Variants in ASCC3 observed in about 807,000 individuals in gnomAD.
ASCC3 encodes the protein ASC-1 complex subunit P200.
A neutral mutation model predicts 256.3 loss-of-function variants in ASCC3; 158 were observed. That is an observed-to-expected ratio of 0.62 (90% CI 0.54 to 0.70). The LOEUF (loss-of-function observed/expected upper bound fraction) is 0.70. Ranked by LOEUF, ASCC3 falls within the 30% of genes least tolerant of loss-of-function variation. The pLI is 0.00. For synonymous variants in ASCC3, 948 were observed against 883.4 expected, an observed-to-expected ratio of 1.07 and a Z score of -1.30; for missense variants, 2,259 against 2,626.0, an observed-to-expected ratio of 0.86 and a Z score of 3.05.
Position 100,589,699 on chromosome 6 carries a change from C to T in ASCC3, c.5485G>A (p.Val1829Ile), listed in dbSNP as rs773582267. The change falls in exon 36 of 42, where the codon GTT becomes ATT. Residue 1829 changes from valine (V) to isoleucine (I), a missense_variant. By Grantham distance (29) the Val-to-Ile change is conservative. Coordinates refer to ENST00000369162, the MANE Select transcript of ASCC3 (RefSeq NM_006828.4). ...ASYYYLKHQT[V>I]KMFKDRLKPE... The stretch of plus-strand genomic sequence containing the variant: ...TTCAAGCGGTCCTTGAACATTTTAA[C>T]TGTTTGATGCTTCAAATAGTAATAG... 1.2e-6 allele frequency: 2 copies of T among 1,613,668 alleles called. No individual in the cohort carries two copies. Among genetic ancestry groups the T allele is most frequent in the East Asian group, 4.5e-5 (2 of 44,860 alleles).
In ASCC3 at chr6:100,508,704, A is replaced by G. The variant is rs1481602134; in HGVS notation, c.*682T>C. 6.6e-6 allele frequency: 1 copy of G among 152,236 alleles called. No individual in the cohort carries two copies. Among genetic ancestry groups the G allele is most frequent in the Non-Finnish European group, 1.5e-5 (1 of 68,070 alleles). 9.4% of individuals were successfully genotyped at this position (152,236 alleles called of 1,614,324 possible). Reference sequence around the variant, plus strand: ...TGAGTAAGGGGATATTATTTAAAGGAAGCAGAAGAAAACATTGAGTCAGCT... The same window carrying G: ...TGAGTAAGGGGATATTATTTAAAGGGAGCAGAAGAAAACATTGAGTCAGCT... On this transcript the variant is annotated 3_prime_UTR_variant, in exon 42 of 42. Coordinates refer to ENST00000369162, the MANE Select transcript of ASCC3 (RefSeq NM_006828.4).
chr6:100,715,415 C>T (rs748143858), intron 13 of ASCC3, 47 bp downstream of exon 13: 2 of 1,511,056 alleles, frequency 1.3e-6, no homozygotes, highest in Admixed American at 3.4e-5. Context: ...ATTAAGCACT[C>T]TCTAAAAGCA....
At chr6:100,685,019 G>T (rs1454415945) in intron 13 of ASCC3, among the ~76,000 whole-genome samples, 1 of 151,970 alleles carries the variant, frequency 6.6e-6, no homozygotes, top group Non-Finnish European at 1.5e-5. Flanking sequence ...GTATTAGCCA[G>T]GATGGTCTCG....
chr6:100,547,256 T>C (rs2114677152), intron 36 of ASCC3, among the ~76,000 whole-genome samples: 1 of 152,096 alleles, frequency 6.6e-6, no homozygotes, highest in South Asian at 2.1e-4. Flanking sequence ...ATATAAAATC[T>C]AAAACTTTAA....
chr6:100,635,658 G>A (rs1582606498), intron 25 of ASCC3, among the ~76,000 whole-genome samples: 1 of 151,986 alleles, frequency 6.6e-6, no homozygotes, highest in Non-Finnish European at 1.5e-5. Context: ...GTAATCACTT[G>A]ACAATGTATA....
chr6:100,692,412 A>G (rs991663021), intron 13 of ASCC3, among the ~76,000 whole-genome samples: 8 of 152,012 alleles, frequency 5.3e-5, no homozygotes, highest in Non-Finnish European at 8.8e-5. Flanking sequence ...TCTTAGCTTG[A>G]TAATATGGTT....
intron 37 of ASCC3, among the ~76,000 whole-genome samples, chr6:100,539,263 T>TA (rs1299764946): frequency 6.6e-6 from 1 of 152,166 alleles, no homozygotes; most frequent in Admixed American, 6.5e-5. Flanking sequence ...TCAAGAAATA[T>TA]CACTTGTCAG....
At chr6:100,835,803 T>A (rs2114471685) in intron 4 of ASCC3, among the ~76,000 whole-genome samples, 1 of 152,298 alleles carries the variant, frequency 6.6e-6, no homozygotes. Flanking sequence ...TACGGGTATT[T>A]TGACAGGGAT....
Position 100,587,580 on chromosome 6 carries a change from C to T in ASCC3, c.5550+2054G>A, listed in dbSNP as rs548967187. Among the ~76,000 whole-genome samples the T allele has an allele frequency of 8.8e-4, 134 of 152,276 alleles. 1 individual carries two copies. The highest frequency in any genetic ancestry group is 1.9e-4 in the Non-Finnish European group (13 of 68,004). The stretch of plus-strand genomic sequence containing the variant: ...AATATCTAGCGCAAGCTGAAAGTTC[C>T]TTGGACTAAACACCATGGGAGAAGA... On this transcript the variant is annotated intron_variant, in intron 36 of 41. Transcript: ENST00000369162.
chr6:100,574,283 T>C, intron 36 of ASCC3, among the ~76,000 whole-genome samples: 1 of 152,150 alleles, frequency 6.6e-6, no homozygotes. Context: ...GCAACCTTTT[T>C]ATGTACCTTA....
chr6:100,608,098 ACATATATATG>A, intron 30 of ASCC3, among the ~76,000 whole-genome samples: 1 of 107,980 alleles, frequency 9.3e-6, no homozygotes, highest in African/African-American at 3.9e-5. Flanking sequence ...ATCTATATAC[ACATATATATG>A]TATATATATC....
At chr6:100,681,497 G>C (rs1777300061) in intron 13 of ASCC3, among the ~76,000 whole-genome samples, 1 of 151,980 alleles carries the variant, frequency 6.6e-6, no homozygotes, top group Admixed American at 6.5e-5. Flanking sequence ...GGGAGGTCAA[G>C]GTGGGTGGAT....
intron 30 of ASCC3, among the ~76,000 whole-genome samples, chr6:100,608,101 T>TATATATGTATATATATCTATATATAC (rs1250725464): frequency 4.7e-5 from 6 of 128,024 alleles, no homozygotes; most frequent in Non-Finnish European, 7.9e-5. Context: ...TATATACACA[T>TATATATGTATATATATCTATATATAC]ATATATGTAT....
chr6:100,838,501 T>C (rs1280373553), intron 4 of ASCC3, among the ~76,000 whole-genome samples: 2 of 152,072 alleles, frequency 1.3e-5, no homozygotes, highest in African/African-American at 4.8e-5. Flanking sequence ...TTAAGAAGAA[T>C]TTCTATGCAA....
At chr6:100,517,248 C>T (rs1451022670) in intron 38 of ASCC3, among the ~76,000 whole-genome samples, 2 of 152,072 alleles carry the variant, frequency 1.3e-5, no homozygotes, top group Admixed American at 6.6e-5. Context: ...GTCTAGATGT[C>T]TCAAATAACT....
At chr6:100,738,200 T>C (rs1179985904) in intron 10 of ASCC3, among the ~76,000 whole-genome samples, 1 of 152,276 alleles carries the variant, frequency 6.6e-6, no homozygotes, top group Admixed American at 6.5e-5. Context: ...TTTATTTTGC[T>C]GTGCAGAAGC....
chr6:100,857,427 TTCTC>T (rs527659784), intron 3 of ASCC3: 3 of 152,130 alleles, frequency 2.0e-5, no homozygotes, highest in Admixed American at 2.0e-4. Flanking sequence ...GTACTTTTTG[TTCTC>T]TGTTTGATAA....
chr6:100,624,689 T>C (rs1774140085), intron 30 of ASCC3, among the ~76,000 whole-genome samples: 1 of 151,938 alleles, frequency 6.6e-6, no homozygotes, highest in African/African-American at 2.4e-5. Context: ...ATAATAAGGA[T>C]GCATGATTAT....
rs73500975 is a variant in ASCC3, at chr6:100,599,942, A to C, written c.5303+1868T>G. Among the ~76,000 whole-genome samples the C allele has an allele frequency of 5.2e-3, 793 of 152,220 alleles. 7 individuals are homozygous for C. The highest frequency in any genetic ancestry group is 0.018 in the African/African-American group (758 of 41,530). On this transcript the variant is annotated intron_variant, in intron 34 of 41. Coordinates refer to ENST00000369162, the MANE Select transcript of ASCC3 (RefSeq NM_006828.4). ...ATTAATACAGAATTAGAATGGCTTT[A>C]ATTCATTTATTTAATTCTCAATATG... is the stretch of plus-strand genomic sequence containing the variant.
Sources: allele counts gnomAD v4.1 joint callset (sites outside exome capture counted in the v4.1 genomes callset), GRCh38; gene constraint gnomAD v4.1.1; transcripts MANE v1.5; gene names NCBI Gene and HGNC (gene_info 2026-07-23, HGNC 2026-07-21).